ATP8A1: variants seen among roughly 807,000 people sequenced by gnomAD.
ATP8A1 encodes the protein ATPase phospholipid transporting 8A1, also known as phospholipid-transporting ATPase IA.
Under a neutral mutation model 177.7 loss-of-function variants are expected in ATP8A1, and 90 were observed. The observed-to-expected ratio is 0.51, with a 90% CI of 0.43 to 0.60. The LOEUF is 0.60. ATP8A1 is among the 20% of genes least tolerant of loss of function. The pLI, the probability that ATP8A1 is intolerant of heterozygous loss-of-function variation, is 0.00. For missense variants in ATP8A1, 1,072 were observed against 1,392.8 expected, an observed-to-expected ratio of 0.77 and a Z score of 3.67; for synonymous variants, 493 against 485.9, an observed-to-expected ratio of 1.01 and a Z score of -0.19.
chr4:42,542,485 G>A (rs774042780), intron 20 of ATP8A1, among the ~76,000 whole-genome samples: 65 of 152,032 alleles, frequency 4.3e-4, no homozygotes, highest in Middle Eastern at 3.4e-3. Flanking sequence ...GGGTACCTGC[G>A]CACAATGTGC....
At chr4:42,569,355 T>G (rs1014289169) in intron 14 of ATP8A1, 150 bp from the exon 15 acceptor site, 1 of 488,062 alleles carries the variant, frequency 2.0e-6, no homozygotes, top group African/African-American at 2.0e-5. Context: ...AGAATGGCAG[T>G]TAGTACAGCA....
At chr4:42,553,959 G>GA (rs1440496726) in intron 16 of ATP8A1, among the ~76,000 whole-genome samples, 15 of 151,988 alleles carry the variant, frequency 9.9e-5, no homozygotes. Flanking sequence ...CGTAAAGAAG[G>GA]AAAAAAACGA....
chr4:42,590,753 C>T, intron 7 of ATP8A1, 58 bp downstream of exon 7: 2 of 1,525,644 alleles, frequency 1.3e-6, no homozygotes, highest in South Asian at 1.2e-5. Flanking sequence ...TGCAACTGTT[C>T]TCCGGTTTAC....
At chr4:42,523,756 T>C (rs997907570) in intron 21 of ATP8A1, among the ~76,000 whole-genome samples, 7 of 152,190 alleles carry the variant, frequency 4.6e-5, no homozygotes, top group African/African-American at 1.2e-4. Flanking sequence ...CTGGGTAGGT[T>C]GCACCTGCCA....
At chr4:42,445,330 T>A (rs1350583718) in intron 31 of ATP8A1, among the ~76,000 whole-genome samples, 1 of 152,216 alleles carries the variant, frequency 6.6e-6, no homozygotes, top group Non-Finnish European at 1.5e-5. Context: ...CAAAGCAAGT[T>A]ACTTCACGTC....
intron 35 of ATP8A1, among the ~76,000 whole-genome samples, chr4:42,416,711 A>G (rs928972302): frequency 3.3e-5 from 5 of 152,126 alleles, no homozygotes; most frequent in Non-Finnish European, 5.9e-5. Flanking sequence ...CATCTCCTAT[A>G]TATCAGGAGG....
rs114954729 is a variant in ATP8A1, at chr4:42,637,370, G to A, written c.50-10261C>T. Among the ~76,000 whole-genome samples the A allele has an allele frequency of 1.4e-3, 206 of 152,222 alleles. 1 individual carries two copies. Among genetic ancestry groups the A allele is most frequent in the African/African-American group, 4.5e-3 (185 of 41,534 alleles). On this transcript the variant is annotated intron_variant, in intron 1 of 36. Transcript: ENST00000381668. ...TAAGGAACTTGCACAATAGCCAAAC[G>A]GTTTTCCACATCCCTACCTTCTTCT... is the stretch of plus-strand genomic sequence containing the variant.
intron 23 of ATP8A1, among the ~76,000 whole-genome samples, chr4:42,504,997 A>G (rs1457069395): frequency 1.3e-5 from 2 of 152,198 alleles, no homozygotes; most frequent in Admixed American, 6.5e-5. Context: ...CACCTTCTCA[A>G]TAAGTTCTTC....
intron 1 of ATP8A1, among the ~76,000 whole-genome samples, chr4:42,628,403 G>A (rs534643070): frequency 5.3e-5 from 8 of 152,268 alleles, no homozygotes; most frequent in Admixed American, 4.6e-4. Flanking sequence ...AGTGCTGCTG[G>A]AGCACAGACA....
At chr4:42,435,426 C>CAAAAAAAAAAA (rs55945370) in intron 33 of ATP8A1, among the ~76,000 whole-genome samples, 34 of 93,950 alleles carry the variant, frequency 3.6e-4, no homozygotes, top group African/African-American at 6.4e-4. Flanking sequence ...GACTTCATCT[C>CAAAAAAAAAAA]AAAAAAAAAA....
chr4:42,458,470 G>T (rs1718726417), intron 27 of ATP8A1, among the ~76,000 whole-genome samples: 2 of 152,134 alleles, frequency 1.3e-5, no homozygotes, highest in Non-Finnish European at 2.9e-5. Flanking sequence ...ATTTTATGAG[G>T]AAGGAGTCAG....
chr4:42,644,385 A>G (rs774974062), intron 1 of ATP8A1, among the ~76,000 whole-genome samples: 4 of 152,230 alleles, frequency 2.6e-5, no homozygotes, highest in Non-Finnish European at 5.9e-5. Context: ...ACGAAGAGAC[A>G]GAAATCAGTT....
chr4:42,453,751 C>T (rs1030383668), intron 29 of ATP8A1, among the ~76,000 whole-genome samples: 5 of 152,140 alleles, frequency 3.3e-5, no homozygotes, highest in African/African-American at 1.2e-4. Flanking sequence ...ATGGAGCCCA[C>T]ACTATGGTAG....
chr4:42,475,295 G>T (rs1469466160), intron 25 of ATP8A1, among the ~76,000 whole-genome samples: 1 of 152,092 alleles, frequency 6.6e-6, no homozygotes, highest in Non-Finnish European at 1.5e-5. Context: ...GACCATAGGT[G>T]TATGCCACCA....
At chr4:42,611,021 C>G (rs1736314259) in intron 5 of ATP8A1, among the ~76,000 whole-genome samples, 1 of 152,154 alleles carries the variant, frequency 6.6e-6, no homozygotes, top group African/African-American at 2.4e-5. Flanking sequence ...TGAATTGAAC[C>G]AGATGAACTC....
intron 24 of ATP8A1, among the ~76,000 whole-genome samples, chr4:42,502,688 T>C (rs12510610): frequency 1.3e-5 from 2 of 152,130 alleles, no homozygotes; most frequent in Admixed American, 1.3e-4. Flanking sequence ...TCTGCAGTCA[T>C]TTCTTCACCA....
At position 42,410,912 on chromosome 4, in the gene ATP8A1, G is replaced by A. The variant is rs1045525257; in HGVS notation, c.*2004C>T. ...TTAACAGAATTAAACACTACAAAGT[G>A]TTTCTCTGGAGGGGTGCATTTCACT... On this transcript the variant is annotated 3_prime_UTR_variant, in exon 37 of 37. Transcript: ENST00000381668. The A allele has an allele frequency of 6.6e-6, 1 of 152,150 alleles. No individual in the cohort carries two copies. The highest frequency in any genetic ancestry group is 1.5e-5 in the Non-Finnish European group (1 of 68,024). The allele number at this position is 152,150 out of a possible 1,614,324, so 9.4% of individuals were successfully genotyped here.
At chr4:42,477,641 T>C (rs1213354896) in intron 25 of ATP8A1, among the ~76,000 whole-genome samples, 3 of 152,038 alleles carry the variant, frequency 2.0e-5, no homozygotes, top group Non-Finnish European at 4.4e-5. Context: ...AATAAAATGA[T>C]GTATATGCAT....
At chr4:42,551,399 CTCA>C in intron 17 of ATP8A1, 119 bp from the exon 18 acceptor site, 1 of 667,220 alleles carries the variant, frequency 1.5e-6, no homozygotes, top group Non-Finnish European at 2.6e-6. Context: ...TTTATTCTGG[CTCA>C]TGTTATTAAT....
Sources: gnomAD v4.1 joint callset for allele counts (sites outside exome capture counted in the v4.1 genomes callset) on GRCh38, gnomAD v4.1.1 for gene constraint, MANE v1.5 for transcripts, NCBI Gene and HGNC (gene_info 2026-07-23, HGNC 2026-07-21) for gene names.